RABGAP1L: variants seen among roughly 807,000 people sequenced by gnomAD.
RABGAP1L encodes RAB GTPase activating protein 1 like.
A neutral mutation model predicts 137.7 loss-of-function variants in RABGAP1L; 63 were observed. The observed-to-expected ratio is 0.46, with a 90% CI of 0.37 to 0.56. The LOEUF is 0.56. RABGAP1L is among the 20% of genes least tolerant of loss of function. RABGAP1L has a pLI of 0.00. For synonymous variants in RABGAP1L, 431 were observed against 433.7 expected (o/e 0.99, Z 0.08); for missense variants, 1,095 against 1,244.0 (o/e 0.88, Z 1.80).
intron 17 of RABGAP1L, among the ~76,000 whole-genome samples, chr1:174,711,055 G>A (rs1268036865): frequency 2.6e-5 from 4 of 152,172 alleles, no homozygotes; most frequent in Non-Finnish European, 5.9e-5. Context: ...GAGCACAGCA[G>A]CTGCTGGCCC....
chr1:174,850,136 A>C (rs932655742), intron 19 of RABGAP1L: 4 of 477,876 alleles, frequency 8.4e-6, no homozygotes, highest in African/African-American at 7.9e-5. Context: ...CTAGGTTGAA[A>C]TTCCTGATCC....
rs540359969 is a variant in RABGAP1L at position 174,823,090 on chromosome 1, A to G, written c.2340+11130A>G. Reference sequence around the variant, plus strand: ...TATGTGCATTCCATGCATAATTAACAACAAAAAGAACATCAGAATTGCTAT... The same window carrying G: ...TATGTGCATTCCATGCATAATTAACGACAAAAAGAACATCAGAATTGCTAT... On this transcript the variant is annotated intron_variant, in intron 19 of 25. Transcript: ENST00000681986. 2.0e-5 allele frequency among the ~76,000 whole-genome samples: 3 copies of G among 152,322 alleles called. 1 individual carries two copies. The highest frequency in any genetic ancestry group is 7.2e-5 in the African/African-American group (3 of 41,570).
intron 4 of RABGAP1L, among the ~76,000 whole-genome samples, chr1:174,238,213 T>C (rs1055205649): frequency 6.6e-6 from 1 of 152,156 alleles, no homozygotes; most frequent in African/African-American, 2.4e-5. Flanking sequence ...GCCTTTGGTT[T>C]GAATGTCCTC....
intron 3 of RABGAP1L, among the ~76,000 whole-genome samples, chr1:174,225,006 C>A (rs1670059051): frequency 6.6e-6 from 1 of 151,470 alleles, no homozygotes; most frequent in African/African-American, 2.4e-5. Flanking sequence ...TGGGAGTTTT[C>A]ACCCATTATT....
Position 174,670,021 on chromosome 1 carries a change from T to C in RABGAP1L, c.1825-13501T>C, listed in dbSNP as rs1346653943. Among the ~76,000 whole-genome samples the C allele has an allele frequency of 3.9e-5, 6 of 152,116 alleles. No homozygotes were observed. In the East Asian group the frequency reaches 9.6e-4, roughly 24 times the overall value. ...TATTTTTCTATTTTTGTAAATAATG[T>C]CATTGGTATTTTTATGGGGATTCCA... is the stretch of plus-strand genomic sequence containing the variant. On this transcript the variant is annotated intron_variant, in intron 14 of 25. Coordinates refer to ENST00000681986, the MANE Select transcript of RABGAP1L (RefSeq NM_001366446.1).
intron 17 of RABGAP1L, among the ~76,000 whole-genome samples, chr1:174,720,358 C>T (rs1189265397): frequency 6.6e-6 from 1 of 150,868 alleles, no homozygotes; most frequent in African/African-American, 2.5e-5. Flanking sequence ...GGCTGGAGTG[C>T]AGTGGCACGA....
intron 8 of RABGAP1L, 111 bp from the exon 9 acceptor site, chr1:174,275,722 T>TG (rs1674942170): frequency 1.4e-6 from 1 of 700,368 alleles, no homozygotes; most frequent in Non-Finnish European, 2.3e-6. Context: ...AAGCTCCTGC[T>TG]TGACTGTTAA....
intron 19 of RABGAP1L, among the ~76,000 whole-genome samples, chr1:174,871,829 G>A (rs952237970): frequency 6.6e-6 from 1 of 152,196 alleles, no homozygotes; most frequent in African/African-American, 2.4e-5. Context: ...ACAAAGTGAA[G>A]CATTACTCAT....
At chr1:174,338,804 G>C (rs925464105) in intron 11 of RABGAP1L, among the ~76,000 whole-genome samples, 12 of 151,872 alleles carry the variant, frequency 7.9e-5, no homozygotes, top group African/African-American at 2.9e-4. Flanking sequence ...ATATGAATTG[G>C]TACTCTGAAA....
intron 14 of RABGAP1L, among the ~76,000 whole-genome samples, chr1:174,660,599 T>G (rs560831490): frequency 4.6e-5 from 7 of 152,310 alleles, no homozygotes; most frequent in Non-Finnish European, 1.0e-4. Flanking sequence ...ATTCTTACGG[T>G]GATTTACCAG....
chr1:174,625,411 T>A lies in RABGAP1L; in HGVS notation c.1711-11964T>A, dbSNP rs78915460. On this transcript the variant is annotated intron_variant, in intron 13 of 25. Coordinates refer to ENST00000681986, the MANE Select transcript of RABGAP1L (RefSeq NM_001366446.1). ...ACAGAAAGCTTAATTTTTATATACG[T>A]TCACTTTTTGTGGGGTAGTGTGTGT... Among the ~76,000 whole-genome samples the A allele has an allele frequency of 6.8e-3, 1,037 of 152,234 alleles. 13 individuals carry two copies. Among genetic ancestry groups the A allele is most frequent in the African/African-American group, 0.023 (976 of 41,546 alleles).
At chr1:174,164,729 TATTTC>T (rs1350591054) in intron 1 of RABGAP1L, among the ~76,000 whole-genome samples, 3 of 152,352 alleles carry the variant, frequency 2.0e-5, no homozygotes, top group South Asian at 4.1e-4. Context: ...TATATTCTGT[TATTTC>T]ATTTCATTTT....
chr1:174,989,723 C>T lies in RABGAP1L; in HGVS notation c.3004-126C>T. 2.9e-6 allele frequency: 3 copies of T among 1,024,220 alleles called. No homozygotes were observed. In the South Asian group the frequency reaches 5.1e-5, roughly 17 times the overall value. 63.4% of individuals were successfully genotyped at this position (1,024,220 alleles called of 1,614,324 possible). On this transcript the variant is annotated intron_variant, in intron 25 of 25. Coordinates refer to ENST00000681986, the MANE Select transcript of RABGAP1L (RefSeq NM_001366446.1). Reference sequence around the variant, plus strand: ...TACTAAGAAGCCAATTCAATCTCTCCTGGGTTTTGTGGGAGGAAAATTGGC... The same window carrying T: ...TACTAAGAAGCCAATTCAATCTCTCTTGGGTTTTGTGGGAGGAAAATTGGC...
At chr1:174,630,247 T>G (rs1373775853) in intron 13 of RABGAP1L, among the ~76,000 whole-genome samples, 1 of 137,422 alleles carries the variant, frequency 7.3e-6, no homozygotes, top group Non-Finnish European at 1.6e-5. Flanking sequence ...GAAGCCCACT[T>G]GATCATGGTG....
intron 14 of RABGAP1L, among the ~76,000 whole-genome samples, chr1:174,665,946 T>C (rs909366310): frequency 6.6e-6 from 1 of 152,252 alleles, no homozygotes; most frequent in Admixed American, 6.5e-5. Flanking sequence ...TGAAAGCCAC[T>C]TGTATTCTTG....
At chr1:174,582,955 A>G (rs1015097164) in intron 13 of RABGAP1L, among the ~76,000 whole-genome samples, 1 of 152,208 alleles carries the variant, frequency 6.6e-6, no homozygotes, top group African/African-American at 2.4e-5. Context: ...CGTATGTATT[A>G]TACACTTTAT....
intron 14 of RABGAP1L, among the ~76,000 whole-genome samples, chr1:174,647,663 A>G (rs761066124): frequency 2.0e-5 from 3 of 151,708 alleles, no homozygotes; most frequent in Non-Finnish European, 4.4e-5. Context: ...TTGGCCTGAA[A>G]TTTTCTTTTT....
intron 13 of RABGAP1L, among the ~76,000 whole-genome samples, chr1:174,539,189 A>G (rs1024770831): frequency 1.3e-5 from 2 of 152,150 alleles, no homozygotes; most frequent in Admixed American, 6.5e-5. Flanking sequence ...TAAATCATAC[A>G]TAGGCTTAGT....
chr1:174,327,900 A>G lies in RABGAP1L; in HGVS notation c.1465+22773A>G, dbSNP rs1331780472. 4.7e-5 allele frequency among the ~76,000 whole-genome samples: 7 copies of G among 148,778 alleles called. 1 individual carries two copies. The highest frequency in any genetic ancestry group is 1.3e-4 in the Admixed American group (2 of 14,872). ...TAAAAAATTAGAAAAAGAGGCAAAC[A>G]GGGCCATTATGTAATGTTAAAGGGG... On this transcript the variant is annotated intron_variant, in intron 11 of 25. Transcript: ENST00000681986.
Sources: gnomAD v4.1 joint callset for allele counts (sites outside exome capture counted in the v4.1 genomes callset) on GRCh38, gnomAD v4.1.1 for gene constraint, MANE v1.5 for transcripts, NCBI Gene and HGNC (gene_info 2026-07-23, HGNC 2026-07-21) for gene names.